ANKMY1: variants seen among roughly 807,000 people sequenced by gnomAD.
The protein encoded by ANKMY1 is ankyrin repeat and MYND domain containing 1.
Under a neutral mutation model 102.0 loss-of-function variants are expected in ANKMY1, and 98 were observed. The ratio of observed to expected loss-of-function variants is 0.96; its 90% CI spans 0.82 to 1.14. ANKMY1 has a LOEUF of 1.14. Ranked by LOEUF, ANKMY1 falls within the 50% of genes most tolerant of loss-of-function variation. The pLI is 0.00. For missense variants in ANKMY1, 1,330 were observed against 1,347.6 expected (o/e 0.99, Z 0.20); for synonymous variants, 582 against 559.9 (o/e 1.04, Z -0.56).
chr2:240,483,553 C>G (rs6741340), intron 15 of ANKMY1, among the ~76,000 whole-genome samples: 1 of 152,104 alleles, frequency 6.6e-6, no homozygotes, highest in Non-Finnish European at 1.5e-5. Context: ...TGTTTAATCT[C>G]TTCACATTTA....
At position 240,506,020 on chromosome 2, in the gene ANKMY1, C is replaced by T. The variant is rs1205020688; in HGVS notation, c.2526+1540G>A. 6.6e-6 allele frequency among the ~76,000 whole-genome samples: 1 copy of T among 152,152 alleles called. No homozygotes were observed. Among genetic ancestry groups the T allele is most frequent in the Non-Finnish European group, 1.5e-5 (1 of 68,022 alleles). ...TTGGCAGCACTACCAGGTTCCCTAACCCCGGATGAGGCACCGGGGAGCCTC... is the reference window on the plus strand; with the variant it reads ...TTGGCAGCACTACCAGGTTCCCTAATCCCGGATGAGGCACCGGGGAGCCTC... On this transcript the variant is annotated intron_variant, in intron 13 of 17. Transcript: ENST00000401804. The surrounding 1 kb of genome is among the most constrained non-coding windows in gnomAD (Gnocchi z 4.9).
chr2:240,507,365 GC>G (rs1318472322), intron 13 of ANKMY1, among the ~76,000 whole-genome samples, 194 bp downstream of exon 13: 4 of 35,572 alleles, frequency 1.1e-4, no homozygotes, highest in African/African-American at 2.6e-4. Flanking sequence ...CCAACCTCCC[GC>G]CCCCCCTCAC....
At chr2:240,539,838 C>T (rs889756430) in intron 4 of ANKMY1, among the ~76,000 whole-genome samples, 1 of 152,108 alleles carries the variant, frequency 6.6e-6, no homozygotes, top group African/African-American at 2.4e-5. Context: ...GCCAAGAGGA[C>T]CCCAGAAAAA....
At chr2:240,481,214 G>T in intron 16 of ANKMY1, 117 bp from the exon 17 acceptor site, 2 of 1,314,256 alleles carry the variant, frequency 1.5e-6, no homozygotes, top group Non-Finnish European at 2.1e-6. Context: ...CCACCGTCCC[G>T]CACTGTCCCC....
At chr2:240,538,491 C>T (rs1027709111) in intron 4 of ANKMY1, among the ~76,000 whole-genome samples, 5 of 152,124 alleles carry the variant, frequency 3.3e-5, no homozygotes, top group African/African-American at 1.2e-4. Flanking sequence ...CACTCAAATT[C>T]TCGTGGGGAC....
intron 4 of ANKMY1, chr2:240,532,041 C>T (rs2085521161): frequency 2.2e-6 from 1 of 456,652 alleles, no homozygotes; most frequent in South Asian, 1.6e-5. Context: ...ATTCGAGTAC[C>T]AGAGAGAGAG....
At chr2:240,528,458 C>T (rs2084417511) in intron 5 of ANKMY1, among the ~76,000 whole-genome samples, 1 of 152,088 alleles carries the variant, frequency 6.6e-6, no homozygotes, top group Admixed American at 6.5e-5. Context: ...CCACTACTGC[C>T]CTGTGCTCCC....
chr2:240,515,513 C>T (rs1023367346), intron 9 of ANKMY1, among the ~76,000 whole-genome samples: 3 of 151,482 alleles, frequency 2.0e-5, no homozygotes, highest in East Asian at 1.9e-4. Flanking sequence ...CCAGCTTGGG[C>T]GACAGAGTGA....
chr2:240,487,781 CTTT>C (rs1418782272), intron 15 of ANKMY1, among the ~76,000 whole-genome samples: 1 of 152,026 alleles, frequency 6.6e-6, no homozygotes, highest in Non-Finnish European at 1.5e-5. Flanking sequence ...TGTACGTCTT[CTTT>C]TGAGAAATGT....
chr2:240,560,931 G>C (rs1559408389), upstream of ANKMY1: 1 of 1,538,450 alleles, frequency 6.5e-7, no homozygotes, highest in Non-Finnish European at 8.7e-7. Context: ...GGCGCACCTG[G>C]AGCCCACGTG....
chr2:240,491,839 T>C (rs2076689141), intron 15 of ANKMY1, among the ~76,000 whole-genome samples: 2 of 152,204 alleles, frequency 1.3e-5, no homozygotes, highest in Non-Finnish European at 2.9e-5. Context: ...GCTTTTAAGA[T>C]TTTCTCTTTG....
At chr2:240,543,235 C>A (rs2089458240) in intron 4 of ANKMY1, among the ~76,000 whole-genome samples, 1 of 151,728 alleles carries the variant, frequency 6.6e-6, no homozygotes, top group Admixed American at 6.6e-5. Flanking sequence ...CACCTGTAGT[C>A]CCAGCTACTC....
Position 240,534,659 on chromosome 2 carries a change from A to C in ANKMY1, c.481-5150T>G, listed in dbSNP as rs535215301. 1.3e-4 allele frequency among the ~76,000 whole-genome samples: 20 copies of C among 152,360 alleles called. No homozygotes were observed. In the South Asian group the frequency reaches 3.7e-3, roughly 28 times the overall value. On this transcript the variant is annotated intron_variant, in intron 4 of 17. Coordinates refer to ENST00000401804, the MANE Select transcript of ANKMY1 (RefSeq NM_001282771.3). ...AACCTACAGGGAGATATACTAATTC[A>C]AAAGTTTGACTCTTCTAACAATATG...
intron 1 of ANKMY1, 154 bp from the exon 2 acceptor site, chr2:240,557,506 G>C: frequency 1.2e-6 from 1 of 808,436 alleles, no homozygotes; most frequent in Non-Finnish European, 1.8e-6. Context: ...ACAGGTCCCG[G>C]ACCACCATCC....
chr2:240,559,632 T>C (rs904450185), upstream of ANKMY1, among the ~76,000 whole-genome samples: 1 of 152,152 alleles, frequency 6.6e-6, no homozygotes, highest in African/African-American at 2.4e-5. Flanking sequence ...CCTAGGAAAG[T>C]TGGAGTCCTT....
chr2:240,481,884 G>A (rs981593890), intron 16 of ANKMY1, among the ~76,000 whole-genome samples: 24 of 152,132 alleles, frequency 1.6e-4, no homozygotes, highest in Non-Finnish European at 2.8e-4. Context: ...TGGGATGGGA[G>A]GTGGCCACCC....
chr2:240,539,850 C>G (rs944073092), intron 4 of ANKMY1, among the ~76,000 whole-genome samples: 1 of 152,130 alleles, frequency 6.6e-6, no homozygotes, highest in Non-Finnish European at 1.5e-5. Context: ...CCAGAAAAAC[C>G]GGAAAAACTG....
upstream of ANKMY1, chr2:240,560,680 GC>G: frequency 6.6e-7 from 1 of 1,515,230 alleles, no homozygotes; most frequent in Non-Finnish European, 8.7e-7. Context: ...TCTTCGGCGG[GC>G]GCCATGGGAC....
At chr2:240,537,686 T>C (rs1196605446) in intron 4 of ANKMY1, among the ~76,000 whole-genome samples, 2 of 152,186 alleles carry the variant, frequency 1.3e-5, no homozygotes, top group African/African-American at 2.4e-5. Context: ...AACAACGAAG[T>C]GTGCATGTCT....
Sources: allele counts gnomAD v4.1 joint callset (sites outside exome capture counted in the v4.1 genomes callset), GRCh38; gene constraint gnomAD v4.1.1; non-coding constraint Gnocchi (gnomAD v3.1); transcripts MANE v1.5; gene names NCBI Gene and HGNC (gene_info 2026-07-23, HGNC 2026-07-21).